Variants in CLOCK observed in about 807,000 individuals in gnomAD.
CLOCK encodes circadian locomoter output cycles protein kaput.
CLOCK carries 43 observed loss-of-function variants against 118.4 expected under a neutral mutation model. That is an observed-to-expected ratio of 0.36 (90% confidence interval 0.28 to 0.47). CLOCK has a LOEUF of 0.47. CLOCK is among the 20% of genes least tolerant of loss of function. The probability of loss-of-function intolerance (pLI) is 1.00; values close to 1 mark genes in which losing one functional copy is unlikely to be tolerated. For synonymous variants in CLOCK, 326 were observed against 339.2 expected (o/e 0.96, Z 0.43); for missense variants, 846 against 999.9 (o/e 0.85, Z 2.08).
chr4:55,471,033 G>C (rs990227999), intron 7 of CLOCK, among the ~76,000 whole-genome samples: 3 of 152,014 alleles, frequency 2.0e-5, no homozygotes, highest in African/African-American at 7.2e-5. Context: ...TTGGACAACT[G>C]GTCTCTAAAA....
chr4:55,492,012 A>C (rs1468406003), intron 2 of CLOCK, among the ~76,000 whole-genome samples: 2 of 152,214 alleles, frequency 1.3e-5, no homozygotes, highest in Non-Finnish European at 2.9e-5. Context: ...AAATGCTTCC[A>C]ACAAACTGAA....
At chr4:55,491,610 C>A (rs1325754189) in intron 2 of CLOCK, among the ~76,000 whole-genome samples, 1 of 151,888 alleles carries the variant, frequency 6.6e-6, no homozygotes, top group East Asian at 1.9e-4. Context: ...TGCCATCTAC[C>A]ACGAAGGCTG....
intron 2 of CLOCK, among the ~76,000 whole-genome samples, chr4:55,507,427 A>T (rs1728884763): frequency 6.6e-6 from 1 of 152,096 alleles, no homozygotes; most frequent in Admixed American, 6.5e-5. Flanking sequence ...AGCCTGTCCA[A>T]CATGGCAAAA....
chr4:55,527,335 A>C (rs1398004945), intron 1 of CLOCK, among the ~76,000 whole-genome samples: 2 of 152,166 alleles, frequency 1.3e-5, no homozygotes, highest in African/African-American at 4.8e-5. Flanking sequence ...AGTTCATTTT[A>C]CTATTCTATA....
rs941307453 is a variant in CLOCK, at chr4:55,429,551, G to A, written c.*5864C>T. On this transcript the variant is annotated 3_prime_UTR_variant, in exon 23 of 23. Coordinates refer to ENST00000513440, the MANE Select transcript of CLOCK (RefSeq NM_004898.4). ...CAAACATTTTTTGTAGAAGTTTACA[G>A]CCTGTATACATTATTCCGCCAAATT... is the stretch of plus-strand genomic sequence containing the variant. The A allele has an allele frequency of 4.6e-5, 7 of 152,170 alleles. No individual in the cohort carries two copies. Among genetic ancestry groups the A allele is most frequent in the African/African-American group, 1.7e-4 (7 of 41,448 alleles). 9.4% of individuals were successfully genotyped at this position (152,170 alleles called of 1,614,324 possible).
rs1553888432 is a variant in CLOCK, at chr4:55,432,492, T to TTTTA, written c.*2922_*2923insTAAA. ...GGGAAGACTTTTTTTTTTTTTTTTT[T>TTTTA]AAAGCTGGAAGGTGTTTCTATTTGG... is the stretch of plus-strand genomic sequence containing the variant. On this transcript the variant is annotated 3_prime_UTR_variant, in exon 23 of 23. Transcript: ENST00000513440. The TTTTA allele has an allele frequency of 6.9e-6, 1 of 144,290 alleles. No homozygotes were observed. The highest frequency in any genetic ancestry group is 1.5e-5 in the Non-Finnish European group (1 of 64,576). 8.9% of individuals were successfully genotyped at this position (144,290 alleles called of 1,614,324 possible).
chr4:55,527,391 T>A (rs1730276019), intron 1 of CLOCK, among the ~76,000 whole-genome samples: 1 of 152,144 alleles, frequency 6.6e-6, no homozygotes, highest in African/African-American at 2.4e-5. Flanking sequence ...AAAAGCATGT[T>A]TGGGGCACAT....
chr4:55,439,834 G>A (rs1337441855), intron 21 of CLOCK, among the ~76,000 whole-genome samples: 2 of 152,150 alleles, frequency 1.3e-5, no homozygotes, highest in Non-Finnish European at 2.9e-5. Context: ...AAGTAGAATG[G>A]TGGTTGGGGA....
intron 1 of CLOCK, among the ~76,000 whole-genome samples, chr4:55,522,978 T>C (rs1402786886): frequency 6.6e-6 from 1 of 152,054 alleles, no homozygotes; most frequent in African/African-American, 2.4e-5. Context: ...CACAGTAACA[T>C]ATAATGTGTA....
Position 55,443,789 on chromosome 4 carries a change from T to C in CLOCK, c.1800A>G (p.Gln600=), listed in dbSNP as rs557251465. 7.5e-5 allele frequency: 121 copies of C among 1,614,086 alleles called. 1 individual carries two copies. In the South Asian group the frequency reaches 1.3e-3, roughly 17 times the overall value. Reference sequence around the variant, plus strand: ...TTTGAATCTGGTTAGTAGGAACAACTTGGCCTTGCATATTTATAGGTGCAA... The same window carrying C: ...TTTGAATCTGGTTAGTAGGAACAACCTGGCCTTGCATATTTATAGGTGCAA... ...QQLAPINMQG[Q]VVPTNQIQSG... is the part of the protein sequence containing the mutation. Residue 600 remains glutamine (Q), a synonymous_variant, in exon 20 of 23, where the codon CAA becomes CAG. Transcript: ENST00000513440.
intron 8 of CLOCK, 52 bp from the exon 9 acceptor site, chr4:55,463,857 T>A: frequency 6.4e-7 from 1 of 1,552,706 alleles, no homozygotes. Flanking sequence ...CAAGAGACAA[T>A]TGCTTTAAAA....
chr4:55,435,407 C>T lies in CLOCK; in HGVS notation c.*8G>A, dbSNP rs1425730296. ...CCTCCCTTGATGTCAAGAGAGGAAG[C>T]ACGTGTGCTACTGTGGTTGAACCTT... On this transcript the variant is annotated 3_prime_UTR_variant, in exon 23 of 23. Coordinates refer to ENST00000513440, the MANE Select transcript of CLOCK (RefSeq NM_004898.4). 11 of 1,613,840 alleles carry T rather than the reference C, an allele frequency of 6.8e-6. No homozygotes were observed. In the South Asian group the frequency reaches 1.2e-4, roughly 18 times the overall value.
Position 55,434,368 on chromosome 4 carries a change from T to C in CLOCK, c.*1047A>G, listed in dbSNP as rs1021668957. 6.6e-6 allele frequency: 1 copy of C among 152,620 alleles called. No individual in the cohort carries two copies. Among genetic ancestry groups the C allele is most frequent in the Non-Finnish European group, 1.5e-5 (1 of 68,036 alleles). The allele number at this position is 152,620 out of a possible 1,614,324, so 9.5% of individuals were successfully genotyped here. On this transcript the variant is annotated 3_prime_UTR_variant, in exon 23 of 23. Coordinates refer to ENST00000513440, the MANE Select transcript of CLOCK (RefSeq NM_004898.4). ...GTGCCTAAGATGTTTTGTGTGCAAATTTTACCTCTATAACTGAAACATTCT... is the reference window on the plus strand; with the variant it reads ...GTGCCTAAGATGTTTTGTGTGCAAACTTTACCTCTATAACTGAAACATTCT...
At chr4:55,449,098 G>A (rs1398413892) in intron 17 of CLOCK, among the ~76,000 whole-genome samples, 1 of 151,616 alleles carries the variant, frequency 6.6e-6, no homozygotes, top group East Asian at 1.9e-4. Flanking sequence ...CTCAATAAAA[G>A]TTGGCCAGAC....
At chr4:55,489,233 C>T (rs1249859755) in intron 3 of CLOCK, 141 bp downstream of exon 3, 1 of 152,158 alleles carries the variant, frequency 6.6e-6, no homozygotes, top group Admixed American at 6.5e-5. Flanking sequence ...GCTGGTACTA[C>T]GTTTGGTGGT....
chr4:55,528,000 T>C (rs944766051), intron 1 of CLOCK, among the ~76,000 whole-genome samples: 2 of 151,558 alleles, frequency 1.3e-5, no homozygotes, highest in Non-Finnish European at 2.9e-5. Context: ...CTACTGCACT[T>C]CAGCCTGAGC....
chr4:55,497,617 TG>T (rs1399646887), intron 2 of CLOCK, among the ~76,000 whole-genome samples: 1 of 152,232 alleles, frequency 6.6e-6, no homozygotes, highest in Non-Finnish European at 1.5e-5. Flanking sequence ...TCTTAACTTC[TG>T]AACTATCTTA....
At chr4:55,494,958 T>G (rs1727958656) in intron 2 of CLOCK, among the ~76,000 whole-genome samples, 1 of 152,142 alleles carries the variant, frequency 6.6e-6, no homozygotes, top group African/African-American at 2.4e-5. Flanking sequence ...AGCCATTAAG[T>G]TTGTGGTTAT....
intron 2 of CLOCK, among the ~76,000 whole-genome samples, chr4:55,509,338 A>G (rs766435536): frequency 6.6e-5 from 10 of 152,262 alleles, no homozygotes; most frequent in Non-Finnish European, 1.3e-4. Flanking sequence ...ACTCATAAAC[A>G]CTAAAAATTA....
Sources: gnomAD v4.1 joint callset for allele counts (sites outside exome capture counted in the v4.1 genomes callset) on GRCh38, gnomAD v4.1.1 for gene constraint, MANE v1.5 for transcripts, NCBI Gene and HGNC (gene_info 2026-07-23, HGNC 2026-07-21) for gene names.